Variants in JMJD1C observed in about 807,000 individuals in gnomAD.
JMJD1C encodes the protein jumonji domain-containing protein 1C.
Under a neutral mutation model 245.3 loss-of-function variants are expected in JMJD1C, and 31 were observed. That is an observed-to-expected ratio of 0.13 (90% confidence interval 0.09 to 0.17). The LOEUF (loss-of-function observed/expected upper bound fraction) is 0.17. Among genes scored for constraint, JMJD1C ranks in the 10% least tolerant of loss-of-function variants. The pLI is 1.00. For missense variants in JMJD1C, 2,691 were observed against 3,000.2 expected (o/e 0.90, Z 2.41); for synonymous variants, 1,057 against 1,017.4 (o/e 1.04, Z -0.74).
chr10:63,275,582 A>C (rs938413478), intron 2 of JMJD1C, among the ~76,000 whole-genome samples: 1 of 152,238 alleles, frequency 6.6e-6, no homozygotes, highest in Non-Finnish European at 1.5e-5. Context: ...AAGCTTATTT[A>C]ATTACTTTTA....
chr10:63,236,765 A>C (rs1422148861), intron 3 of JMJD1C, among the ~76,000 whole-genome samples: 1 of 152,176 alleles, frequency 6.6e-6, no homozygotes, highest in Non-Finnish European at 1.5e-5. Flanking sequence ...AACAACAAAA[A>C]AGAAGTAAAA....
chr10:63,315,269 T>C (rs1036917850), intron 2 of JMJD1C, among the ~76,000 whole-genome samples: 1 of 152,148 alleles, frequency 6.6e-6, no homozygotes. Flanking sequence ...GTCCCTCTCC[T>C]ACCTCCCCCA....
At chr10:63,192,119 T>C (rs1239875602) in intron 16 of JMJD1C, among the ~76,000 whole-genome samples, 1 of 151,452 alleles carries the variant, frequency 6.6e-6, no homozygotes, top group Non-Finnish European at 1.5e-5. Context: ...CTTTGATATG[T>C]AGTCAAAGGA....
intron 2 of JMJD1C, among the ~76,000 whole-genome samples, chr10:63,369,096 CTTTCT>C (rs754569289): frequency 1.3e-5 from 2 of 151,794 alleles, no homozygotes; most frequent in Non-Finnish European, 2.9e-5. Context: ...CTTCCTCTTT[CTTTCT>C]TTTCTTCTTT....
chr10:63,169,480 T>C (rs1407000526), intron 24 of JMJD1C, among the ~76,000 whole-genome samples: 3 of 151,910 alleles, frequency 2.0e-5, no homozygotes, highest in Admixed American at 6.6e-5. Context: ...GTATGCAAAA[T>C]AAATTTAATT....
chr10:63,298,476 G>C (rs1442091271), intron 2 of JMJD1C, among the ~76,000 whole-genome samples: 1 of 152,070 alleles, frequency 6.6e-6, no homozygotes, highest in Non-Finnish European at 1.5e-5. Context: ...TGCCAATGTT[G>C]ACACATGGTG....
At chr10:63,451,817 G>C (rs1589773685) in intron 1 of JMJD1C, among the ~76,000 whole-genome samples, 3 of 152,134 alleles carry the variant, frequency 2.0e-5, no homozygotes, top group Non-Finnish European at 4.4e-5. Context: ...TTTGAAAAAG[G>C]TGCCAAAACT....
rs374702656 is a variant in JMJD1C, at chr10:63,206,900, G to A, written c.4769C>T (p.Thr1590Ile). Residue 1590 changes from threonine to isoleucine, a missense_variant, in exon 10 of 26, where the codon ACA (threonine) becomes ATA (isoleucine). Coordinates refer to ENST00000399262, the MANE Select transcript of JMJD1C (RefSeq NM_032776.3). ...TACACTATTTTGTATATCACTAGAT[G>A]TAGAGGCTATTAAGTTGACAGAACA... ...KPCSVNLIAS[T>I]SSDIQNSVDS... 3.1e-6 allele frequency: 5 copies of A among 1,609,614 alleles called. No homozygotes were observed. Among genetic ancestry groups the A allele is most frequent in the Non-Finnish European group, 4.2e-6 (5 of 1,176,768 alleles).
chr10:63,378,854 C>T (rs1946986624), intron 2 of JMJD1C, among the ~76,000 whole-genome samples: 4 of 152,022 alleles, frequency 2.6e-5, no homozygotes. Context: ...ATGAACAATT[C>T]AACATACTCA....
intron 1 of JMJD1C, among the ~76,000 whole-genome samples, chr10:63,460,468 A>G (rs560352159): frequency 1.8e-4 from 28 of 152,292 alleles, no homozygotes; most frequent in Middle Eastern, 6.8e-3. Flanking sequence ...GCAGTGAGCA[A>G]TGATCACACC....
chr10:63,517,319 T>C (rs1348006648), intron 1 of JMJD1C, among the ~76,000 whole-genome samples: 4 of 152,200 alleles, frequency 2.6e-5, no homozygotes, highest in Admixed American at 6.5e-5. Context: ...ACATATCTCC[T>C]AGGAAAACTA....
intron 21 of JMJD1C, 151 bp from the exon 22 acceptor site, chr10:63,183,720 A>AT (rs1422603261): frequency 2.2e-6 from 1 of 460,008 alleles, no homozygotes; most frequent in African/African-American, 2.0e-5. Flanking sequence ...AAAAGCCACA[A>AT]TCTATAAAAG....
intron 1 of JMJD1C, among the ~76,000 whole-genome samples, chr10:63,477,847 T>A (rs1255384660): frequency 6.6e-6 from 1 of 152,150 alleles, no homozygotes; most frequent in African/African-American, 2.4e-5. Context: ...AGAGGATTAA[T>A]ATCTAGAATA....
At chr10:63,255,645 T>C (rs768977895) in intron 3 of JMJD1C, among the ~76,000 whole-genome samples, 2 of 152,210 alleles carry the variant, frequency 1.3e-5, no homozygotes, top group Non-Finnish European at 2.9e-5. Context: ...ACATCGTTTC[T>C]ATTTTTGCTT....
chr10:63,386,011 GAA>G (rs1331224771), intron 1 of JMJD1C, among the ~76,000 whole-genome samples: 2 of 151,958 alleles, frequency 1.3e-5, no homozygotes, highest in Non-Finnish European at 2.9e-5. Flanking sequence ...GTTCACAAAT[GAA>G]AAGATTCACT....
At chr10:63,257,226 C>CAAAAAAAAAAAA (rs71025139) in intron 3 of JMJD1C, among the ~76,000 whole-genome samples, 1 of 92,654 alleles carries the variant, frequency 1.1e-5, no homozygotes, top group Admixed American at 1.2e-4. Flanking sequence ...GACTTCATCT[C>CAAAAAAAAAAAA]AAAAAAAAAA....
intron 2 of JMJD1C, among the ~76,000 whole-genome samples, chr10:63,309,411 T>C (rs573818983): frequency 2.7e-5 from 4 of 145,636 alleles, no homozygotes; most frequent in African/African-American, 7.6e-5. Flanking sequence ...GGGGAATCGC[T>C]TGAACCGGGG....
intron 1 of JMJD1C, among the ~76,000 whole-genome samples, chr10:63,420,762 A>G (rs1950080228): frequency 1.3e-5 from 2 of 151,616 alleles, no homozygotes; most frequent in African/African-American, 4.8e-5. Context: ...AGAATTAGTT[A>G]AGAACACCTG....
chr10:63,218,603 TA>T (rs890730052), intron 4 of JMJD1C, among the ~76,000 whole-genome samples: 32 of 152,266 alleles, frequency 2.1e-4, no homozygotes, highest in African/African-American at 7.7e-4. Context: ...TTGTTCCCAC[TA>T]CTTAACATAG....
Sources: allele counts gnomAD v4.1 joint callset (sites outside exome capture counted in the v4.1 genomes callset), GRCh38; gene constraint gnomAD v4.1.1; transcripts MANE v1.5; gene names NCBI Gene and HGNC (gene_info 2026-07-23, HGNC 2026-07-21).